The following NAV3 variants were observed in gnomAD, a reference collection of about 807,000 sequenced individuals.
NAV3 encodes the protein pore membrane and/or filament interacting like protein 1.
In NAV3, 87 loss-of-function variants were observed where a neutral mutation model predicts 244.7. That is an observed-to-expected ratio of 0.36 (90% CI 0.30 to 0.42). The LOEUF is 0.42. Among genes scored for constraint, NAV3 ranks in the 20% least tolerant of loss-of-function variants. The pLI, the probability that NAV3 is intolerant of heterozygous loss-of-function variation, is 1.00. For missense variants in NAV3, 2,663 were observed against 2,893.3 expected (o/e 0.92, Z 1.83); for synonymous variants, 1,126 against 1,042.2 (o/e 1.08, Z -1.55).
At chr12:78,208,114 GGCA>G (rs1354232380) in intron 39 of NAV3, among the ~76,000 whole-genome samples, 1 of 152,116 alleles carries the variant, frequency 6.6e-6, no homozygotes, top group African/African-American at 2.4e-5. Flanking sequence ...TCTAGGATTG[GGCA>G]GCTGCATCTG....
At chr12:77,718,740 C>G (rs1017203450) in intron 2 of NAV3, among the ~76,000 whole-genome samples, 3 of 152,042 alleles carry the variant, frequency 2.0e-5, no homozygotes, top group African/African-American at 7.2e-5. Context: ...TCACTGCAAC[C>G]TCCGCCTCCT....
intron 2 of NAV3, among the ~76,000 whole-genome samples, chr12:77,710,257 G>T (rs1422618092): frequency 6.6e-6 from 1 of 152,078 alleles, no homozygotes; most frequent in Non-Finnish European, 1.5e-5. Context: ...ATTTTGCATG[G>T]ATTCTCTCAA....
intron 2 of NAV3, among the ~76,000 whole-genome samples, chr12:77,763,472 A>G (rs1004043774): frequency 2.0e-5 from 3 of 152,136 alleles, no homozygotes; most frequent in East Asian, 1.9e-4. Flanking sequence ...GTAGACCAGC[A>G]TCATCATCAT....
intron 1 of NAV3, among the ~76,000 whole-genome samples, chr12:77,874,506 C>T (rs1350239613): frequency 6.6e-6 from 1 of 152,026 alleles, no homozygotes; most frequent in East Asian, 1.9e-4. Flanking sequence ...TCAGTATGCT[C>T]AGCCAGCATT....
chr12:78,083,036 A>G (rs910926671), intron 12 of NAV3, among the ~76,000 whole-genome samples: 1 of 152,182 alleles, frequency 6.6e-6, no homozygotes, highest in Non-Finnish European at 1.5e-5. Context: ...TTGAAACTGA[A>G]TAATTTATAA....
intron 39 of NAV3, among the ~76,000 whole-genome samples, chr12:78,208,853 A>C (rs1402748539): frequency 6.6e-6 from 1 of 152,168 alleles, no homozygotes; most frequent in Admixed American, 6.5e-5. Flanking sequence ...TTTACAGATC[A>C]GTTTCACCCA....
chr12:77,876,080 A>G (rs975463525), intron 1 of NAV3, among the ~76,000 whole-genome samples: 7 of 152,054 alleles, frequency 4.6e-5, no homozygotes, highest in African/African-American at 1.7e-4. Context: ...AATATAATTA[A>G]TTTATGCTTC....
At chr12:78,115,556 T>A (rs1353373599) in intron 12 of NAV3, among the ~76,000 whole-genome samples, 3 of 152,344 alleles carry the variant, frequency 2.0e-5, no homozygotes, top group East Asian at 1.9e-4. Context: ...ATTTAATTTA[T>A]CCTTCTTTAG....
chr12:77,657,412 A>G (rs1450851285), intron 2 of NAV3, among the ~76,000 whole-genome samples: 1 of 152,226 alleles, frequency 6.6e-6, no homozygotes, highest in Admixed American at 6.5e-5. Context: ...ACCAGGAAGA[A>G]GTTGAATCTC....
intron 2 of NAV3, among the ~76,000 whole-genome samples, chr12:77,689,684 G>T (rs1277206682): frequency 1.3e-5 from 2 of 151,700 alleles, no homozygotes; most frequent in African/African-American, 4.8e-5. Flanking sequence ...CCTAAACTGA[G>T]GTAAAGGTTT....
chr12:77,614,833 C>A (rs1302308934), intron 2 of NAV3, among the ~76,000 whole-genome samples: 1 of 152,260 alleles, frequency 6.6e-6, no homozygotes, highest in Non-Finnish European at 1.5e-5. Flanking sequence ...TAAGAAAGTT[C>A]GTTGCATTAT....
intron 20 of NAV3, among the ~76,000 whole-genome samples, chr12:78,142,641 C>G (rs544514213): frequency 2.8e-5 from 4 of 143,744 alleles, no homozygotes; most frequent in African/African-American, 1.0e-4. Flanking sequence ...GAAATGGGAA[C>G]ACAGATTAAA....
chr12:78,051,016 CAT>C lies in NAV3; in HGVS notation c.2386_2387del (p.Met796ValfsTer4). 4 of 1,614,126 alleles carry C rather than the reference CAT, an allele frequency of 2.5e-6. No homozygotes were observed. The highest frequency in any genetic ancestry group is 3.4e-6 in the Non-Finnish European group (4 of 1,180,030). On this transcript the variant is annotated frameshift_variant, in exon 11 of 40. Transcript: ENST00000397909. LOFTEE classifies it high-confidence loss of function. ...GAGCTGCTGTCTCTAGGCTGGGAAA[CAT>C]GTCACAGATTGACATGAGTGAGAAA... ...RRAAVSRLGNMSQIDMSEKAS... is the reference protein window; with the variant it reads ...RRAAVSRLGNXSQIDMSEKAS...
intron 38 of NAV3, among the ~76,000 whole-genome samples, chr12:78,202,086 A>G (rs1198705093): frequency 6.6e-6 from 1 of 151,822 alleles, no homozygotes; most frequent in African/African-American, 2.4e-5. Flanking sequence ...GGTATGAGCC[A>G]ATCTACCCCA....
In NAV3 at chr12:77,831,472, T is replaced by C; in HGVS notation, c.11T>C (p.Leu4Pro). MPV[L>P]GVASKLRQPA... ...AATTTTATAGAAGCCATGCCTGTTC[T>C]TGGGGTTGCCTCAAAACTGAGGCAG... is the stretch of plus-strand genomic sequence containing the variant. The change falls in exon 1 of 40, where the codon CTT becomes CCT. Residue 4 changes from leucine (L) to proline (P), a missense_variant. This residue lies in a region of NAV3 where 1,521 missense variants were observed against 1,497.0 expected (regional missense o/e 1.02). Coordinates refer to ENST00000397909, the MANE Select transcript of NAV3 (RefSeq NM_001024383.2). 6.2e-7 allele frequency: 1 copy of C among 1,605,314 alleles called. No homozygotes were observed. Among genetic ancestry groups the C allele is most frequent in the Non-Finnish European group, 8.5e-7 (1 of 1,177,390 alleles).
chr12:77,900,927 G>T (rs1464118219), intron 1 of NAV3, among the ~76,000 whole-genome samples: 1 of 152,084 alleles, frequency 6.6e-6, no homozygotes, highest in Non-Finnish European at 1.5e-5. Context: ...TAGCCATTCT[G>T]GCTGGTTTGA....
chr12:77,993,843 G>A lies in NAV3; in HGVS notation c.672-960G>A, dbSNP rs74108216. On this transcript the variant is annotated intron_variant, in intron 5 of 39. Coordinates refer to ENST00000397909, the MANE Select transcript of NAV3 (RefSeq NM_001024383.2). ...TGAAAACTGTGCATGCACAGCAACC[G>A]GATTCATGTCGAGCCATTCCAATTC... is the stretch of plus-strand genomic sequence containing the variant. 2.7e-3 allele frequency among the ~76,000 whole-genome samples: 408 copies of A among 152,130 alleles called. 1 individual carries two copies. The highest frequency in any genetic ancestry group is 9.2e-3 in the African/African-American group (382 of 41,516).
chr12:77,638,663 G>C (rs1341399551), intron 2 of NAV3, among the ~76,000 whole-genome samples: 1 of 152,164 alleles, frequency 6.6e-6, no homozygotes, highest in African/African-American at 2.4e-5. Context: ...TTTTGAATTT[G>C]TGACAGTTTA....
chr12:78,051,111 T>G lies in NAV3; in HGVS notation c.2480T>G (p.Leu827Arg). 2 of 1,612,884 alleles carry G rather than the reference T, an allele frequency of 1.2e-6. No homozygotes were observed. Among genetic ancestry groups the G allele is most frequent in the South Asian group, 2.2e-5 (2 of 91,050 alleles). ...VGGYMSDGDI[L>R]GKSLRTDDIN... ...GGATATATGAGTGATGGTGATATCC[T>G]TGGGAAAAGTCTCAGGACTGATGAC... The change falls in exon 11 of 40, where the codon CTT becomes CGT. Residue 827 changes from leucine to arginine, a missense_variant. Leu to Arg is a moderately radical substitution (Grantham distance 102, BLOSUM62 -2). Coordinates refer to ENST00000397909, the MANE Select transcript of NAV3 (RefSeq NM_001024383.2).
Sources: gnomAD v4.1 joint callset for allele counts (sites outside exome capture counted in the v4.1 genomes callset) on GRCh38, gnomAD v4.1.1 for gene constraint, gnomAD v4.1.1 regional missense constraint, MANE v1.5 for transcripts, NCBI Gene and HGNC (gene_info 2026-07-23, HGNC 2026-07-21) for gene names.